The following HOMER2 variants were observed in gnomAD, a reference collection of about 807,000 sequenced individuals.
HOMER2 encodes the protein homer protein homolog 2.
HOMER2 carries 27 observed loss-of-function variants against 47.0 expected under a neutral mutation model. The ratio of observed to expected loss-of-function variants is 0.57; its 90% CI spans 0.42 to 0.79. The LOEUF (loss-of-function observed/expected upper bound fraction) is 0.79, where lower values mean the gene tolerates loss of function less well. HOMER2 is among the 30% of genes least tolerant of loss of function. The pLI, the probability that HOMER2 is intolerant of heterozygous loss-of-function variation, is 0.00. For missense variants in HOMER2, 443 were observed against 435.0 expected (o/e 1.02, Z -0.16); for synonymous variants, 161 against 163.8 (o/e 0.98, Z 0.13).
chr15:82,864,185 G>A lies in HOMER2; in HGVS notation c.369C>T (p.Thr123=), dbSNP rs532229939. 10 of 1,609,852 alleles carry A rather than the reference G, an allele frequency of 6.2e-6. No individual in the cohort carries two copies. Among genetic ancestry groups the A allele is most frequent in the African/African-American group, 1.3e-5 (1 of 74,780 alleles). ...AKDKTQEKIE[T]SSNHSQASSV... ...GTCTTACTTGGGAATGATTACTTGA[G>A]GTCTCGATTTTCTCCTGCGTCTTGT... The change falls in exon 4 of 9, where the codon ACC becomes ACT. Residue 123 remains threonine (T), a synonymous_variant. Transcript: ENST00000450735.
intron 1 of HOMER2, among the ~76,000 whole-genome samples, chr15:82,917,443 C>G (rs1265665526): frequency 2.0e-5 from 3 of 152,202 alleles, no homozygotes; most frequent in Non-Finnish European, 4.4e-5. Flanking sequence ...GCACCTGTCC[C>G]TCCTCTCCCA....
intron 1 of HOMER2, among the ~76,000 whole-genome samples, chr15:82,972,538 T>C (rs560120349): frequency 6.6e-6 from 1 of 152,264 alleles, no homozygotes; most frequent in South Asian, 2.1e-4. Flanking sequence ...TTAGTAGAGA[T>C]GTGGTTTGTC....
chr15:82,853,084 C>T (rs1271999187), intron 6 of HOMER2, among the ~76,000 whole-genome samples: 1 of 152,240 alleles, frequency 6.6e-6, no homozygotes, highest in South Asian at 2.1e-4. Context: ...GCACCGAGGA[C>T]ACTTCCCAGA....
intron 1 of HOMER2, among the ~76,000 whole-genome samples, chr15:82,927,561 T>G (rs1459488378): frequency 2.0e-5 from 3 of 152,238 alleles, no homozygotes; most frequent in Admixed American, 1.3e-4. Flanking sequence ...GTAATTATTT[T>G]TATAATATTC....
chr15:82,969,171 G>C (rs757476453), intron 1 of HOMER2, among the ~76,000 whole-genome samples: 1 of 152,186 alleles, frequency 6.6e-6, no homozygotes, highest in Non-Finnish European at 1.5e-5. Context: ...TAACTTAATA[G>C]CTTCCTGTAG....
At chr15:82,856,352 C>T (rs1799576533) in intron 5 of HOMER2, among the ~76,000 whole-genome samples, 2 of 152,122 alleles carry the variant, frequency 1.3e-5, no homozygotes, top group Admixed American at 1.3e-4. Flanking sequence ...GTGGCTCACA[C>T]CTATAATCCC....
At chr15:82,928,830 G>A (rs936587241) in intron 1 of HOMER2, among the ~76,000 whole-genome samples, 3 of 149,634 alleles carry the variant, frequency 2.0e-5, no homozygotes, top group Admixed American at 6.8e-5. Context: ...AACCAGTCCC[G>A]AAAACCACAT....
At chr15:82,931,740 A>T (rs2054016454) in intron 1 of HOMER2, among the ~76,000 whole-genome samples, 1 of 152,170 alleles carries the variant, frequency 6.6e-6, no homozygotes, top group Admixed American at 6.5e-5. Flanking sequence ...CAGAAGACTG[A>T]CGCAGGAGAA....
At position 82,908,746 on chromosome 15, in the gene HOMER2, T is replaced by TAA. The variant is rs199889444; in HGVS notation, c.6-15906_6-15905insTT. ...TTTAGTCAGCTGTTTTGCTTTTTTTTTAAAAAAAAAAAAAGATCAAACATG... is the reference window on the plus strand; with the variant it reads ...TTTAGTCAGCTGTTTTGCTTTTTTTTAATAAAAAAAAAAAAAGATCAAACATG... On this transcript the variant is annotated intron_variant, in intron 1 of 8. Transcript: ENST00000450735. 3.5e-5 allele frequency among the ~76,000 whole-genome samples: 5 copies of TAA among 142,782 alleles called. 1 individual carries two copies. In the South Asian group the frequency reaches 1.2e-3, roughly 35 times the overall value. 93.7% of individuals were successfully genotyped at this position (142,782 alleles called of 152,430 possible).
intron 1 of HOMER2, among the ~76,000 whole-genome samples, chr15:82,909,800 G>T (rs1209312230): frequency 1.3e-5 from 2 of 152,098 alleles, no homozygotes; most frequent in African/African-American, 4.8e-5. Flanking sequence ...CCTTTGAAGA[G>T]GAATTTTACT....
chr15:82,854,507 TG>T, intron 6 of HOMER2, 136 bp downstream of exon 6: 1 of 805,212 alleles, frequency 1.2e-6, no homozygotes, highest in Non-Finnish European at 1.9e-6. Context: ...GACGTTCCCA[TG>T]GGAGAGGCAG....
At chr15:82,846,502 C>T (rs2051249586), downstream of HOMER2, 1 of 152,098 alleles carries the variant, frequency 6.6e-6, no homozygotes, top group Non-Finnish European at 1.5e-5. Context: ...CTCTTGGCAC[C>T]CACGGGTCAC....
intron 2 of HOMER2, among the ~76,000 whole-genome samples, chr15:82,891,511 C>T (rs1263131387): frequency 6.6e-6 from 1 of 152,158 alleles, no homozygotes; most frequent in Non-Finnish European, 1.5e-5. Context: ...AGCAGGCTCT[C>T]GTGCCTTCCC....
intron 1 of HOMER2, among the ~76,000 whole-genome samples, chr15:82,915,042 G>A (rs1482771070): frequency 6.6e-6 from 1 of 152,000 alleles, no homozygotes; most frequent in Non-Finnish European, 1.5e-5. Flanking sequence ...GTGTGATGGT[G>A]TGTGCCTGTA....
At chr15:82,871,811 G>C (rs1369674271) in intron 3 of HOMER2, among the ~76,000 whole-genome samples, 1 of 152,240 alleles carries the variant, frequency 6.6e-6, no homozygotes, top group Non-Finnish European at 1.5e-5. Flanking sequence ...GAGAGGCACA[G>C]AGCATTTAAC....
upstream of HOMER2, among the ~76,000 whole-genome samples, chr15:82,955,495 T>C (rs1230805141): frequency 6.6e-6 from 1 of 152,224 alleles, no homozygotes. Flanking sequence ...ACAGCAAAAT[T>C]AGGCTCACCA....
chr15:82,938,709 T>C (rs541214355), intron 1 of HOMER2, among the ~76,000 whole-genome samples: 3 of 152,310 alleles, frequency 2.0e-5, no homozygotes, highest in African/African-American at 7.2e-5. Context: ...AAATGCATTT[T>C]GCCTGCAAAT....
intron 2 of HOMER2, among the ~76,000 whole-genome samples, chr15:82,884,966 T>G (rs1288472265): frequency 1.2e-4 from 1 of 8,056 alleles, no homozygotes; most frequent in Non-Finnish European, 1.9e-4. Context: ...TCCCTGTCTT[T>G]TGCCAGTTTT....
chr15:82,906,054 TTTG>T (rs2053276471), intron 1 of HOMER2, among the ~76,000 whole-genome samples: 1 of 152,198 alleles, frequency 6.6e-6, no homozygotes, highest in African/African-American at 2.4e-5. Context: ...TTAGGATTAT[TTTG>T]TTATTATAAA....
Sources: gnomAD v4.1 joint callset for allele counts (sites outside exome capture counted in the v4.1 genomes callset) on GRCh38, gnomAD v4.1.1 for gene constraint, MANE v1.5 for transcripts, NCBI Gene and HGNC (gene_info 2026-07-23, HGNC 2026-07-21) for gene names.